Variants in PCDHA5 observed in about 807,000 individuals in gnomAD.
The protein encoded by PCDHA5 is protocadherin alpha-5.
In PCDHA5, 43 loss-of-function variants were observed where a neutral mutation model predicts 61.6. That is an observed-to-expected ratio of 0.70 (90% CI 0.55 to 0.90). The LOEUF (loss-of-function observed/expected upper bound fraction) is 0.90. PCDHA5 is among the 40% of genes least tolerant of loss of function. PCDHA5 has a pLI of 0.00. For synonymous variants in PCDHA5, 627 were observed against 543.9 expected (o/e 1.15, Z -2.13); for missense variants, 1,298 against 1,222.7 (o/e 1.06, Z -0.92).
In PCDHA5 at chr5:140,823,467, G is replaced by T; in HGVS notation, c.1692G>T (p.Leu564=). The T allele has an allele frequency of 6.2e-7, 1 of 1,613,490 alleles. No individual in the cohort carries two copies. Residue 564 remains leucine (L), a synonymous_variant, in exon 1 of 4, where the codon CTG becomes CTT. Coordinates refer to ENST00000529859, the MANE Select transcript of PCDHA5 (RefSeq NM_018908.3). ...ACGAGAACGACAACGCGCCGGCGCT[G>T]CTGGTGCCTCGAGTGGGTGGCACCG... is the stretch of plus-strand genomic sequence containing the variant. ...VLDENDNAPA[L]LVPRVGGTGG...
At chr5:140,966,755 C>A in intron 1 of PCDHA5, 1 of 1,434,520 alleles carries the variant, frequency 7.0e-7, no homozygotes, top group South Asian at 1.5e-5. Context: ...GCCTCCGCCG[C>A]GGCCAGTGGC....
Position 141,009,873 on chromosome 5 carries a change from A to C in PCDHA5, c.2747A>C (p.Lys916Thr), listed in dbSNP as rs782413551. The C allele has an allele frequency of 1.2e-6, 2 of 1,613,916 alleles. No homozygotes were observed. The highest frequency in any genetic ancestry group is 2.7e-5 in the African/African-American group (2 of 74,862). The change falls in exon 4 of 4, where the codon AAG (lysine) becomes ACG (threonine). Residue 916 changes from lysine to threonine, a missense_variant. Lys to Thr is a moderately conservative substitution (Grantham distance 78). Transcript: ENST00000529859. ...ACCAAGAAAAAGAAGAAAAAGAAGA[A>C]GGGTAACAAGACCCAGGAGAAAAAA... ...EETKKKKKKK[K>T]GNKTQEKKEK...
chr5:140,869,485 G>T (rs782005031), intron 1 of PCDHA5: 8 of 1,614,158 alleles, frequency 5.0e-6, no homozygotes, highest in Non-Finnish European at 6.8e-6. Flanking sequence ...GGACATTAAC[G>T]ACAACCCGCC....
intron 1 of PCDHA5, chr5:140,857,885 G>A: frequency 6.3e-7 from 1 of 1,597,988 alleles, no homozygotes; most frequent in Non-Finnish European, 8.6e-7. Context: ...ATTGCAGTCG[G>A]CGGCGGTTGG....
Position 140,883,339 on chromosome 5 carries a change from C to A in PCDHA5, c.2352+59212C>A, listed in dbSNP as rs142984869. 95 of 1,614,172 alleles carry A rather than the reference C, an allele frequency of 5.9e-5. No individual in the cohort carries two copies. The African/African-American group carries it at 1.1e-3, about 19-fold the overall frequency. ...AGGTTACCATCACTTCTTTGTCACTCCCCATCAGAGAAGACACTCAGCCTA... is the reference window on the plus strand; with the variant it reads ...AGGTTACCATCACTTCTTTGTCACTACCCATCAGAGAAGACACTCAGCCTA... On this transcript the variant is annotated intron_variant, in intron 1 of 3. Coordinates refer to ENST00000529859, the MANE Select transcript of PCDHA5 (RefSeq NM_018908.3).
chr5:140,947,760 A>C (rs1332466215), intron 1 of PCDHA5, among the ~76,000 whole-genome samples: 1 of 151,618 alleles, frequency 6.6e-6, no homozygotes, highest in Non-Finnish European at 1.5e-5. Context: ...TTATGGTTTA[A>C]AAAATTCTAT....
chr5:140,962,569 T>A (rs782016565), intron 1 of PCDHA5, among the ~76,000 whole-genome samples: 17 of 152,194 alleles, frequency 1.1e-4, no homozygotes, highest in African/African-American at 1.7e-4. Context: ...TAAAAGCCAA[T>A]TGTTAATGCC....
chr5:140,897,964 T>A (rs1554187709), intron 1 of PCDHA5, among the ~76,000 whole-genome samples: 1 of 152,236 alleles, frequency 6.6e-6, no homozygotes, highest in South Asian at 2.1e-4. Flanking sequence ...TTTTCATGTG[T>A]CTTTTGGCTG....
At chr5:140,862,541 G>A (rs749747760) in intron 1 of PCDHA5, 2 of 445,208 alleles carry the variant, frequency 4.5e-6, no homozygotes, top group Non-Finnish European at 9.1e-6. Context: ...CGGGTCCGTG[G>A]AAGTGGCCGA....
At chr5:140,858,299 C>A in intron 1 of PCDHA5, 1 of 1,597,210 alleles carries the variant, frequency 6.3e-7, no homozygotes, top group Non-Finnish European at 8.6e-7. Flanking sequence ...TTACTCGCAG[C>A]AGAGGCGGCA....
At chr5:140,877,259 C>G in intron 1 of PCDHA5, 1 of 1,613,752 alleles carries the variant, frequency 6.2e-7, no homozygotes, top group Non-Finnish European at 8.5e-7. Flanking sequence ...AAAGTGCGCG[C>G]GGTGGACGCT....
At chr5:140,876,298 G>T (rs1469744425) in intron 1 of PCDHA5, 3 of 1,613,970 alleles carry the variant, frequency 1.9e-6, no homozygotes, top group Non-Finnish European at 1.7e-6. Context: ...ACTTAATGGA[G>T]AAATTTCCTA....
At chr5:140,841,190 T>C (rs1442612057) in intron 1 of PCDHA5, 14 of 1,237,774 alleles carry the variant, frequency 1.1e-5, no homozygotes, top group Non-Finnish European at 1.6e-5. Context: ...TCAAAGTCTT[T>C]TCTCTGACAG....
chr5:140,832,197 C>T (rs1212075331), intron 1 of PCDHA5, among the ~76,000 whole-genome samples: 4 of 152,210 alleles, frequency 2.6e-5, no homozygotes, highest in Non-Finnish European at 5.9e-5. Context: ...ATTTAACCTG[C>T]TGAGTCCTCA....
intron 1 of PCDHA5, among the ~76,000 whole-genome samples, chr5:140,936,458 G>A (rs963270336): frequency 2.6e-5 from 4 of 152,046 alleles, no homozygotes; most frequent in Non-Finnish European, 4.4e-5. Flanking sequence ...TCTGTTTAGT[G>A]GTTGCTGTAG....
intron 1 of PCDHA5, among the ~76,000 whole-genome samples, chr5:140,900,589 C>T (rs782244593): frequency 1.5e-4 from 23 of 152,164 alleles, no homozygotes; most frequent in South Asian, 1.2e-3. Flanking sequence ...TTTCTTTACC[C>T]GTTCATCTGA....
In PCDHA5 at chr5:140,883,232, G is replaced by C. The variant is rs782490836; in HGVS notation, c.2352+59105G>C. 3 of 1,613,952 alleles carry C rather than the reference G, an allele frequency of 1.9e-6. No individual in the cohort carries two copies. The Admixed American group carries it at 5.0e-5, about 27-fold the overall frequency. On this transcript the variant is annotated intron_variant, in intron 1 of 3. Transcript: ENST00000529859. ...GAAATTATATGAAATATCCGTGGAGGCAGTTGACAAAGGAAATATTCCAAT... is the reference window on the plus strand; with the variant it reads ...GAAATTATATGAAATATCCGTGGAGCCAGTTGACAAAGGAAATATTCCAAT...
At chr5:140,981,284 G>A (rs1554242765) in intron 2 of PCDHA5, among the ~76,000 whole-genome samples, 4 of 152,094 alleles carry the variant, frequency 2.6e-5, no homozygotes, top group Non-Finnish European at 5.9e-5. Context: ...GTTTAAAAGG[G>A]TCCTCTAGTC....
chr5:140,851,043 C>T (rs2041935214), intron 1 of PCDHA5: 7 of 1,389,064 alleles, frequency 5.0e-6, no homozygotes, highest in Middle Eastern at 2.1e-4. Flanking sequence ...ACATTGGAGC[C>T]GACTTTGTCT....
Sources: allele counts gnomAD v4.1 joint callset (sites outside exome capture counted in the v4.1 genomes callset), GRCh38; gene constraint gnomAD v4.1.1; transcripts MANE v1.5; gene names NCBI Gene and HGNC (gene_info 2026-07-23, HGNC 2026-07-21).